Variants in NEMP2 observed in about 807,000 individuals in gnomAD.
The protein encoded by NEMP2 is nuclear envelope integral membrane protein 2.
A neutral mutation model predicts 54.2 loss-of-function variants in NEMP2; 53 were observed. That is an observed-to-expected ratio of 0.98 (90% confidence interval 0.78 to 1.23). The LOEUF is 1.23. NEMP2 is among the 50% of genes most tolerant of loss of function. The pLI is 0.00. For synonymous variants in NEMP2, 197 were observed against 190.3 expected (o/e 1.04, Z -0.29); for missense variants, 455 against 511.3 (o/e 0.89, Z 1.06).
chr2:190,555,958 TC>T, the NEMP2 span, among the ~76,000 whole-genome samples: 2 of 152,042 alleles, frequency 1.3e-5, no homozygotes, highest in South Asian at 4.2e-4. The surrounding 1 kb of genome is among the most constrained non-coding windows in gnomAD (Gnocchi z 4.8). Context: ...AAAGAGGGAA[TC>T]CTCCCTAACT....
the NEMP2 span, among the ~76,000 whole-genome samples, chr2:190,458,457 T>G: frequency 8.4e-5 from 10 of 118,580 alleles, no homozygotes; most frequent in South Asian, 2.1e-3. The surrounding 1 kb of genome is among the most constrained non-coding windows in gnomAD (Gnocchi z 5.3). Flanking sequence ...AACACCTTGA[T>G]TTTGGACTTT....
chr2:190,432,881 C>A, the NEMP2 span, among the ~76,000 whole-genome samples: 1 of 143,304 alleles, frequency 7.0e-6, no homozygotes, highest in Non-Finnish European at 1.5e-5. Context: ...CTCACACATA[C>A]ACTCTTTCTC....
the NEMP2 span, among the ~76,000 whole-genome samples, chr2:190,560,329 C>CT: frequency 3.4e-4 from 52 of 152,224 alleles, 1 homozygote; most frequent in African/African-American, 1.2e-3. The surrounding 1 kb of genome is among the most constrained non-coding windows in gnomAD (Gnocchi z 5.4). Context: ...GATCACACTT[C>CT]TTTTTTTCTT....
chr2:190,464,545 C>T, the NEMP2 span, among the ~76,000 whole-genome samples: 1 of 152,064 alleles, frequency 6.6e-6, no homozygotes. Flanking sequence ...TTTCAGTCAC[C>T]CTGTCTGGCC....
chr2:190,628,373 T>A, the NEMP2 span: 1 of 152,178 alleles, frequency 6.6e-6, no homozygotes, highest in South Asian at 2.1e-4. The surrounding 1 kb of genome is among the most constrained non-coding windows in gnomAD (Gnocchi z 4.1). Flanking sequence ...TGTTACTGCT[T>A]CTTCACCCTC....
At chr2:190,502,001 ATTTATTCCTTTGAAAAGCCTGCTGT>A (rs2125287721), downstream of NEMP2, 1 of 152,754 alleles carries the variant, frequency 6.5e-6, no homozygotes, top group Non-Finnish European at 1.5e-5. This position sits in a 1 kb window ranked among gnomAD's most constrained non-coding sequence, Gnocchi z 4.4. Flanking sequence ...TACAGTTCTG[ATTTATTCCTTTGAAAAGCCTGCTGT>A]TTTGGAAATG....
the NEMP2 span, chr2:190,629,868 G>A: frequency 6.6e-6 from 1 of 152,332 alleles, no homozygotes; most frequent in East Asian, 1.9e-4. Flanking sequence ...TTTAAAACAA[G>A]TGGGATCAAC....
At chr2:190,623,294 C>T in the NEMP2 span, among the ~76,000 whole-genome samples, 30,082 of 151,938 alleles carry the variant, frequency 0.2, 3,057 homozygotes, top group East Asian at 0.27. Context: ...CAATGACATT[C>T]ATCACAGAAA....
At chr2:190,572,884 T>TATATATATATATATA in the NEMP2 span, among the ~76,000 whole-genome samples, 1 of 138,220 alleles carries the variant, frequency 7.2e-6, no homozygotes, top group Non-Finnish European at 1.6e-5. Context: ...TATGTATATA[T>TATATATATATATATA]TTTATCTTTT....
At chr2:190,517,360 C>T (rs1690597553) in intron 5 of NEMP2, among the ~76,000 whole-genome samples, 160 bp downstream of exon 5, 2 of 151,612 alleles carry the variant, frequency 1.3e-5, no homozygotes, top group Admixed American at 1.3e-4. Context: ...TAAATAAAAT[C>T]AGGAACTCCA....
At chr2:190,576,685 T>A in the NEMP2 span, among the ~76,000 whole-genome samples, 1 of 152,098 alleles carries the variant, frequency 6.6e-6, no homozygotes, top group Non-Finnish European at 1.5e-5. Context: ...TTGTTTCGTA[T>A]GTGTTTTGGA....
chr2:190,478,715 C>G, the NEMP2 span, among the ~76,000 whole-genome samples: 1 of 152,070 alleles, frequency 6.6e-6, no homozygotes, highest in Non-Finnish European at 1.5e-5. Context: ...AAGACCTAGT[C>G]TGGGGAAGGG....
At chr2:190,608,120 T>A in the NEMP2 span, 3 of 152,204 alleles carry the variant, frequency 2.0e-5, no homozygotes, top group Non-Finnish European at 2.9e-5. The surrounding 1 kb of genome is among the most constrained non-coding windows in gnomAD (Gnocchi z 4.9). Context: ...CATCCCTTTG[T>A]CCCCCGTACC....
At chr2:190,515,743 C>G (rs1427904098) in intron 6 of NEMP2, among the ~76,000 whole-genome samples, 1 of 152,178 alleles carries the variant, frequency 6.6e-6, no homozygotes, top group Non-Finnish European at 1.5e-5. Flanking sequence ...TTGATTCTCT[C>G]ATTGTCCATT....
chr2:190,629,985 G>A, the NEMP2 span, among the ~76,000 whole-genome samples: 1 of 152,236 alleles, frequency 6.6e-6, no homozygotes, highest in Non-Finnish European at 1.5e-5. Context: ...CCAAGAGGGG[G>A]ATGTGCTTCA....
At chr2:190,612,309 C>T in the NEMP2 span, among the ~76,000 whole-genome samples, 3 of 152,088 alleles carry the variant, frequency 2.0e-5, no homozygotes, top group African/African-American at 7.2e-5. Context: ...GTGCGTGCCA[C>T]CACGCCCAGC....
chr2:190,558,301 A>G, the NEMP2 span, among the ~76,000 whole-genome samples: 1 of 152,092 alleles, frequency 6.6e-6, no homozygotes, highest in Non-Finnish European at 1.5e-5. This position sits in a 1 kb window ranked among gnomAD's most constrained non-coding sequence, Gnocchi z 4.4. Flanking sequence ...GGAGGGGAAT[A>G]TCACCCACCG....
the NEMP2 span, among the ~76,000 whole-genome samples, chr2:190,491,533 G>A: frequency 3.3e-5 from 5 of 152,182 alleles, no homozygotes; most frequent in Non-Finnish European, 5.9e-5. The surrounding 1 kb of genome is among the most constrained non-coding windows in gnomAD (Gnocchi z 4.2). Flanking sequence ...TAGCCCTGCT[G>A]GGTGGGCTAG....
the NEMP2 span, among the ~76,000 whole-genome samples, chr2:190,559,361 T>C: frequency 6.6e-6 from 1 of 151,888 alleles, no homozygotes; most frequent in African/African-American, 2.4e-5. The surrounding 1 kb of genome is among the most constrained non-coding windows in gnomAD (Gnocchi z 4.0). Context: ...GAAGAAGGTG[T>C]GAGTGGGAGA....
Sources: gnomAD v4.1 joint callset for allele counts (sites outside exome capture counted in the v4.1 genomes callset) on GRCh38, gnomAD v4.1.1 for gene constraint, Gnocchi (gnomAD v3.1) non-coding constraint, MANE v1.5 for transcripts, NCBI Gene and HGNC (gene_info 2026-07-23, HGNC 2026-07-21) for gene names.